The following NCMAP variants were observed in gnomAD, a reference collection of about 807,000 sequenced individuals.
The protein encoded by NCMAP is non-compact myelin associated protein, also known as noncompact myelin-associated protein.
A neutral mutation model predicts 7.8 loss-of-function variants in NCMAP; 8 were observed. The ratio of observed to expected loss-of-function variants is 1.02; its 90% confidence interval spans 0.60 to 1.84. The LOEUF is 1.84. Ranked by LOEUF, NCMAP falls within the 40% of genes most tolerant of loss-of-function variation. NCMAP has a pLI of 0.00. For missense variants in NCMAP, 112 were observed against 131.4 expected (o/e 0.85, Z 0.72); for synonymous variants, 41 against 52.9 (o/e 0.78, Z 0.98).
At chr1:24,577,401 G>GTTTTTTTTTTTTTTTTTTTTT (rs71577720) in intron 1 of NCMAP, among the ~76,000 whole-genome samples, 37 of 39,966 alleles carry the variant, frequency 9.3e-4, no homozygotes, top group African/African-American at 1.2e-3. Flanking sequence ...CACTGGCCTT[G>GTTTTTTTTTTTTTTTTTTTTT]TTTTTTTTTT....
chr1:24,566,272 C>T (rs748116392), intron 1 of NCMAP, among the ~76,000 whole-genome samples: 7 of 152,252 alleles, frequency 4.6e-5, no homozygotes, highest in Middle Eastern at 3.4e-3. Context: ...ATGAGCCATG[C>T]GCCTGGCCAT....
intron 1 of NCMAP, among the ~76,000 whole-genome samples, chr1:24,593,351 G>A (rs1008301944): frequency 3.3e-5 from 5 of 152,050 alleles, no homozygotes; most frequent in African/African-American, 1.2e-4. Flanking sequence ...TAATTAGCCA[G>A]GCATGGTGGT....
intron 1 of NCMAP, among the ~76,000 whole-genome samples, chr1:24,580,008 G>C (rs1048502794): frequency 8.4e-4 from 128 of 152,180 alleles, no homozygotes; most frequent in African/African-American, 3.0e-3. Context: ...TCTGGCCGAG[G>C]GGTAGGTTCT....
chr1:24,561,178 C>CAAAAAAAAAAA (rs755072214), intron 1 of NCMAP, among the ~76,000 whole-genome samples: 73 of 103,378 alleles, frequency 7.1e-4, no homozygotes, highest in Middle Eastern at 5.3e-3. Context: ...ACTAAAAATA[C>CAAAAAAAAAAA]AAAAAAAAAA....
At chr1:24,569,571 T>C (rs930325042) in intron 1 of NCMAP, among the ~76,000 whole-genome samples, 4 of 150,710 alleles carry the variant, frequency 2.7e-5, no homozygotes, top group African/African-American at 1.0e-4. Flanking sequence ...GTCAAAAGCA[T>C]GAACTGTGGT....
intron 1 of NCMAP, chr1:24,563,984 T>A (rs1651135712): frequency 6.6e-6 from 1 of 152,086 alleles, no homozygotes; most frequent in South Asian, 2.1e-4. Flanking sequence ...TAATCTTACA[T>A]ACATCTTTCA....
intron 1 of NCMAP, chr1:24,564,099 A>T (rs1164803740): frequency 6.6e-6 from 1 of 152,238 alleles, no homozygotes; most frequent in Non-Finnish European, 1.5e-5. Flanking sequence ...GACATAATAG[A>T]TGGCCTGAAT....
chr1:24,570,893 T>C (rs1651370899), intron 1 of NCMAP, among the ~76,000 whole-genome samples: 1 of 150,806 alleles, frequency 6.6e-6, no homozygotes, highest in Admixed American at 6.6e-5. Flanking sequence ...AATGAGTTGG[T>C]GTTGGTAGGA....
intron 2 of NCMAP, among the ~76,000 whole-genome samples, 178 bp downstream of exon 2, chr1:24,595,690 G>C (rs1652200504): frequency 6.6e-6 from 1 of 152,120 alleles, no homozygotes; most frequent in Non-Finnish European, 1.5e-5. Flanking sequence ...TGCCTCGGTG[G>C]TGTTTCTTTG....
intron 1 of NCMAP, among the ~76,000 whole-genome samples, chr1:24,577,030 C>T (rs1030350266): frequency 1.7e-4 from 26 of 152,104 alleles, no homozygotes; most frequent in African/African-American, 6.0e-4. Context: ...CCCAGCTCCT[C>T]GTGAGGCTGA....
Position 24,604,070 on chromosome 1 carries a change from G to A in NCMAP, c.168-1536G>A, listed in dbSNP as rs548146313. On this transcript the variant is annotated intron_variant, in intron 3 of 3. Coordinates refer to ENST00000374392, the MANE Select transcript of NCMAP (RefSeq NM_001010980.5). ...AGAGATCAAATTCACAGCCTAAGAAGTCCTTTTATAATTGGCATTAATGGA... is the reference window on the plus strand; with the variant it reads ...AGAGATCAAATTCACAGCCTAAGAAATCCTTTTATAATTGGCATTAATGGA... Among the ~76,000 whole-genome samples the A allele has an allele frequency of 5.9e-5, 9 of 152,310 alleles. No homozygotes were observed. The South Asian group carries it at 1.9e-3, about 32-fold the overall frequency.
chr1:24,570,646 A>C (rs1651361739), intron 1 of NCMAP, among the ~76,000 whole-genome samples: 1 of 150,920 alleles, frequency 6.6e-6, no homozygotes, highest in Non-Finnish European at 1.5e-5. Flanking sequence ...GTGCCATTCA[A>C]ATTCCACTGC....
chr1:24,587,481 C>T lies in NCMAP; in HGVS notation c.-7-7943C>T, dbSNP rs12137127. On this transcript the variant is annotated intron_variant, in intron 1 of 3. Coordinates refer to ENST00000374392, the MANE Select transcript of NCMAP (RefSeq NM_001010980.5). The stretch of plus-strand genomic sequence containing the variant: ...TCCATCGGTGAAAGTTTGAATTGAA[C>T]CTTTCATGCACAAAGGTCAAAGGTG... 2.6e-5 allele frequency among the ~76,000 whole-genome samples: 4 copies of T among 152,114 alleles called. No homozygotes were observed. The South Asian group carries it at 8.3e-4, about 32-fold the overall frequency.
intron 1 of NCMAP, among the ~76,000 whole-genome samples, chr1:24,590,791 T>A (rs1652025369): frequency 1.3e-5 from 2 of 152,120 alleles, no homozygotes; most frequent in African/African-American, 4.8e-5. Context: ...TGCTTATTTT[T>A]ATAGAAAGAA....
chr1:24,557,666 A>C (rs1650938881), intron 1 of NCMAP, among the ~76,000 whole-genome samples: 1 of 152,146 alleles, frequency 6.6e-6, no homozygotes, highest in African/African-American at 2.4e-5. Context: ...AGAGACACCA[A>C]AGGACCATGA....
chr1:24,572,839 C>A (rs1651429314), intron 1 of NCMAP, among the ~76,000 whole-genome samples: 1 of 150,784 alleles, frequency 6.6e-6, no homozygotes, highest in South Asian at 2.1e-4. Context: ...TGCTGCCAGG[C>A]CCTGGTTTGG....
chr1:24,568,500 G>A (rs558554522), intron 1 of NCMAP, among the ~76,000 whole-genome samples: 2 of 152,260 alleles, frequency 1.3e-5, no homozygotes, highest in South Asian at 4.2e-4. Flanking sequence ...CTTCCTAGAG[G>A]TGGAGGAGGG....
At chr1:24,562,930 T>C (rs977244046) in intron 1 of NCMAP, among the ~76,000 whole-genome samples, 4 of 152,212 alleles carry the variant, frequency 2.6e-5, no homozygotes, top group African/African-American at 9.7e-5. Flanking sequence ...CCCCTCCTTA[T>C]GCCCTTTCTC....
At chr1:24,581,677 A>G (rs1651750993) in intron 1 of NCMAP, among the ~76,000 whole-genome samples, 1 of 152,204 alleles carries the variant, frequency 6.6e-6, no homozygotes, top group East Asian at 1.9e-4. Flanking sequence ...GATGAGGCTC[A>G]TGGAGGGGCC....
Sources: gnomAD v4.1 joint callset for allele counts (sites outside exome capture counted in the v4.1 genomes callset) on GRCh38, gnomAD v4.1.1 for gene constraint, MANE v1.5 for transcripts, NCBI Gene and HGNC (gene_info 2026-07-23, HGNC 2026-07-21) for gene names.